TRAPPC8: variants seen among roughly 807,000 people sequenced by gnomAD.
TRAPPC8 encodes general sporulation gene 1 homolog.
Under a neutral mutation model 174.3 loss-of-function variants are expected in TRAPPC8, and 54 were observed. The ratio of observed to expected loss-of-function variants is 0.31; its 90% CI spans 0.25 to 0.39. The LOEUF is 0.39. TRAPPC8 is among the 10% of genes least tolerant of loss of function. The pLI, the probability that TRAPPC8 is intolerant of heterozygous loss-of-function variation, is 1.00. For missense variants in TRAPPC8, 1,531 were observed against 1,699.1 expected (o/e 0.90, Z 1.74); for synonymous variants, 630 against 579.9 (o/e 1.09, Z -1.24).
chr18:31,939,848 G>C (rs1346939403), intron 1 of TRAPPC8: 1 of 152,138 alleles, frequency 6.6e-6, no homozygotes, highest in Non-Finnish European at 1.5e-5. Flanking sequence ...TCCCAGCGTG[G>C]GTAACAGAGC....
chr18:31,855,864 T>G (rs1598613070), intron 20 of TRAPPC8, 57 bp from the exon 21 acceptor site: 1 of 1,526,942 alleles, frequency 6.5e-7, no homozygotes, highest in East Asian at 2.4e-5. Flanking sequence ...TATGTTATAA[T>G]TATCTAATTC....
intron 5 of TRAPPC8, among the ~76,000 whole-genome samples, chr18:31,910,417 G>A (rs1236079329): frequency 6.6e-6 from 1 of 152,190 alleles, no homozygotes; most frequent in Non-Finnish European, 1.5e-5. Context: ...AAGAAAGTCT[G>A]AAGCCACTCC....
intron 18 of TRAPPC8, among the ~76,000 whole-genome samples, chr18:31,865,258 G>A (rs2145161283): frequency 6.6e-6 from 1 of 152,114 alleles, no homozygotes; most frequent in Middle Eastern, 3.4e-3. Context: ...ATCTTCTCAA[G>A]AGACTGCACA....
intron 12 of TRAPPC8, among the ~76,000 whole-genome samples, chr18:31,876,795 C>A (rs934116125): frequency 6.6e-6 from 1 of 152,070 alleles, no homozygotes; most frequent in Non-Finnish European, 1.5e-5. Context: ...TCCCTCTGCC[C>A]TCATGATGCA....
At chr18:31,832,251 A>G in intron 27 of TRAPPC8, 78 bp from the exon 28 acceptor site, 1 of 729,402 alleles carries the variant, frequency 1.4e-6, no homozygotes. Flanking sequence ...AACACTTAAG[A>G]CTATGTAACA....
intron 28 of TRAPPC8, among the ~76,000 whole-genome samples, chr18:31,831,832 C>T (rs1270175497): frequency 6.6e-6 from 1 of 151,966 alleles, no homozygotes; most frequent in Non-Finnish European, 1.5e-5. Flanking sequence ...AAGCATTTGG[C>T]TCTAGGAGTA....
chr18:31,849,294 C>T (rs1375045722), intron 25 of TRAPPC8, among the ~76,000 whole-genome samples: 1 of 151,858 alleles, frequency 6.6e-6, no homozygotes, highest in Non-Finnish European at 1.5e-5. Context: ...TTTGGAAATG[C>T]CCCGAACAGT....
chr18:31,846,842 G>A (rs761283953), intron 25 of TRAPPC8, 25 bp from the exon 26 acceptor site: 13 of 1,573,610 alleles, frequency 8.3e-6, no homozygotes, highest in Admixed American at 1.7e-5. Context: ...GTACAAAAAC[G>A]TTACCGTGCT....
chr18:31,850,112 C>T (rs1282266887), intron 24 of TRAPPC8, among the ~76,000 whole-genome samples: 1 of 152,038 alleles, frequency 6.6e-6, no homozygotes, highest in Non-Finnish European at 1.5e-5. Context: ...CCACCACTCC[C>T]GCCTAATTTT....
chr18:31,882,553 A>G (rs1044096288), intron 12 of TRAPPC8, among the ~76,000 whole-genome samples: 1 of 152,134 alleles, frequency 6.6e-6, no homozygotes, highest in Non-Finnish European at 1.5e-5. Flanking sequence ...AGCCCAAATC[A>G]CAGCATTACA....
chr18:31,875,458 T>G (rs528272668), intron 12 of TRAPPC8, among the ~76,000 whole-genome samples: 82 of 152,234 alleles, frequency 5.4e-4, no homozygotes, highest in African/African-American at 1.9e-3. Context: ...TGGCCAGTGT[T>G]GTGACCACTG....
At chr18:31,864,162 C>T (rs1028053380) in intron 19 of TRAPPC8, among the ~76,000 whole-genome samples, 2 of 151,054 alleles carry the variant, frequency 1.3e-5, no homozygotes, top group African/African-American at 4.9e-5. Flanking sequence ...TCTGGCTATA[C>T]TACCTAGCAA....
intron 12 of TRAPPC8, among the ~76,000 whole-genome samples, chr18:31,879,986 AT>A (rs1246111169): frequency 1.6e-4 from 24 of 148,478 alleles, no homozygotes; most frequent in Non-Finnish European, 8.9e-5. Context: ...AAAAAAATAA[AT>A]AAACAACCAA....
rs182463106 is a variant in TRAPPC8 at position 31,909,097 on chromosome 18, A to G, written c.866-87T>C. The G allele has an allele frequency of 6.4e-6, 8 of 1,254,696 alleles. No individual in the cohort carries two copies. The African/African-American group carries it at 9.1e-5, about 14-fold the overall frequency. The allele number at this position is 1,254,696 out of a possible 1,614,324, so 77.7% of individuals were successfully genotyped here. On this transcript the variant is annotated intron_variant, in intron 6 of 28. Coordinates refer to ENST00000283351, the MANE Select transcript of TRAPPC8 (RefSeq NM_014939.5). ...ACCATACTGCTAAAGAAAAAAAAAA[A>G]GCAGAATGTTAAAATCCTTTATCTT... is the stretch of plus-strand genomic sequence containing the variant.
At chr18:31,873,007 C>CT (rs59209328) in intron 14 of TRAPPC8, among the ~76,000 whole-genome samples, 2,221 of 74,660 alleles carry the variant, frequency 0.03, 203 homozygotes, top group African/African-American at 0.037. Flanking sequence ...ATTCATTTTC[C>CT]TTTTTTTTTT....
Position 31,853,510 on chromosome 18 carries a change from C to T in TRAPPC8, c.3433+339G>A, listed in dbSNP as rs187013435. Among the ~76,000 whole-genome samples the T allele has an allele frequency of 3.5e-3, 528 of 152,244 alleles. 1 individual carries two copies. Among genetic ancestry groups the T allele is most frequent in the South Asian group, 9.3e-3 (45 of 4,822 alleles). ...TTCAAACTGCTGACCTCAAGTGATC[C>T]GCCCATCTCAGCCTCCCAAAGTGCA... On this transcript the variant is annotated intron_variant, in intron 22 of 28. Coordinates refer to ENST00000283351, the MANE Select transcript of TRAPPC8 (RefSeq NM_014939.5).
At position 31,897,208 on chromosome 18, in the gene TRAPPC8, C is replaced by G. The variant is rs147051140; in HGVS notation, c.1596+578G>C. Among the ~76,000 whole-genome samples, 20 of 152,302 alleles carry G rather than the reference C, an allele frequency of 1.3e-4. No individual in the cohort carries two copies. In the South Asian group the frequency reaches 4.1e-3, roughly 32 times the overall value. ...ATAAAGGAATTACTACCATTCTTTA[C>G]AAGCCTGCAGTCAATGTAACTCAAT... On this transcript the variant is annotated intron_variant, in intron 11 of 28. Transcript: ENST00000283351.
rs1555675862 is a variant in TRAPPC8, at chr18:31,906,304, G to GAGAA, written c.1389+1155_1389+1156insTTCT. Among the ~76,000 whole-genome samples the GAGAA allele has an allele frequency of 9.9e-5, 9 of 91,168 alleles. No individual in the cohort carries two copies. In the South Asian group the frequency reaches 2.3e-3, roughly 24 times the overall value. 59.8% of individuals were successfully genotyped at this position (91,168 alleles called of 152,430 possible). A position where few individuals can be genotyped will look rare whatever the true frequency, so the allele number is the denominator to read the frequency against. On this transcript the variant is annotated intron_variant, in intron 9 of 28. Transcript: ENST00000283351. ...CCGTGAGCTGAAACTCTGTCTCCAGGAAAAAAAAAAAAAAAAAAAGTGGGC... is the reference window on the plus strand; with the variant it reads ...CCGTGAGCTGAAACTCTGTCTCCAGGAGAAAAAAAAAAAAAAAAAAAAAGTGGGC...
intron 19 of TRAPPC8, among the ~76,000 whole-genome samples, chr18:31,861,109 G>GTC (rs1340484298): frequency 6.6e-6 from 1 of 152,126 alleles, no homozygotes; most frequent in Non-Finnish European, 1.5e-5. Context: ...CATAGAAAAG[G>GTC]TCTCTGCTCT....
Sources: allele counts gnomAD v4.1 joint callset (sites outside exome capture counted in the v4.1 genomes callset), GRCh38; gene constraint gnomAD v4.1.1; transcripts MANE v1.5; gene names NCBI Gene and HGNC (gene_info 2026-07-23, HGNC 2026-07-21).